Variants in SLC35F6 observed in about 807,000 individuals in gnomAD.
The protein encoded by SLC35F6 is ANT2-binding protein.
In SLC35F6, 26 loss-of-function variants were observed where a neutral mutation model predicts 29.4. The ratio of observed to expected loss-of-function variants is 0.89; its 90% CI spans 0.65 to 1.23. The LOEUF (loss-of-function observed/expected upper bound fraction) is 1.23, where lower values mean the gene tolerates loss of function less well. Ranked by LOEUF, SLC35F6 falls within the 50% of genes most tolerant of loss-of-function variation. The pLI is 0.00. For missense variants in SLC35F6, 428 were observed against 487.8 expected (o/e 0.88, Z 1.15); for synonymous variants, 174 against 206.6 (o/e 0.84, Z 1.35).
chr2:26,773,628 T>C (rs1558293096), intron 1 of SLC35F6, among the ~76,000 whole-genome samples: 2 of 151,338 alleles, frequency 1.3e-5, no homozygotes, highest in African/African-American at 4.9e-5. Flanking sequence ...TTTTTTTTTT[T>C]CTGAGACAGG....
At chr2:26,767,669 C>T (rs1664120764) in intron 1 of SLC35F6, among the ~76,000 whole-genome samples, 2 of 152,148 alleles carry the variant, frequency 1.3e-5, no homozygotes, top group Non-Finnish European at 2.9e-5. Context: ...CACAGGTACT[C>T]ATTTCAGAAC....
chr2:26,765,020 A>G, intron 1 of SLC35F6: 1 of 985,170 alleles, frequency 1.0e-6, no homozygotes, highest in Non-Finnish European at 1.2e-6. Flanking sequence ...TCTCATAATC[A>G]GAAAAGTGCT....
chr2:26,777,422 G>A (rs142000123), intron 5 of SLC35F6, among the ~76,000 whole-genome samples: 169 of 152,336 alleles, frequency 1.1e-3, no homozygotes, highest in African/African-American at 3.8e-3. Context: ...GGGGGCTAGT[G>A]CCTGTTGGGG....
rs1664393736 is a variant in SLC35F6 at position 26,780,677 on chromosome 2, C to T, written c.*2166C>T. ...TCTCTGTGGGGTCTTTGGGATGGAT[C>T]TCCTAGGGCTGGGCTGGAAGCCTCA... is the stretch of plus-strand genomic sequence containing the variant. On this transcript the variant is annotated 3_prime_UTR_variant, in exon 6 of 6. Transcript: ENST00000344420. 2 of 152,108 alleles carry T rather than the reference C, an allele frequency of 1.3e-5. No homozygotes were observed. The highest frequency in any genetic ancestry group is 4.8e-5 in the African/African-American group (2 of 41,386). The allele number at this position is 152,108 out of a possible 1,614,324, so 9.4% of individuals were successfully genotyped here. A position where few individuals can be genotyped will look rare whatever the true frequency, so the allele number is the denominator to read the frequency against.
Position 26,764,407 on chromosome 2 carries a change from A to G in SLC35F6, c.58A>G (p.Ile20Val), listed in dbSNP as rs752981118. 13 of 1,550,806 alleles carry G rather than the reference A, an allele frequency of 8.4e-6. No individual in the cohort carries two copies. The highest frequency in any genetic ancestry group is 1.4e-5 in the African/African-American group (1 of 73,034). Reference sequence around the variant, plus strand: ...CGGGCTCATGCTTGTTACCGGCTCCATCAACACGCTCTCGGCAAAGTGAGT... The same window carrying G: ...CGGGCTCATGCTTGTTACCGGCTCCGTCAACACGCTCTCGGCAAAGTGAGT... ...LAGLMLVTGS[I>V]NTLSAKWADN... Residue 20 changes from isoleucine (I) to valine (V), a missense_variant, in exon 1 of 6, where the codon ATC becomes GTC. Transcript: ENST00000344420.
In SLC35F6 at chr2:26,778,115, A is replaced by G. The variant is rs1190052443; in HGVS notation, c.720A>G (p.Gly240=). ...ACATCCCCGCCGGCTCCTTCAGCGGAAACCCTCGTGGGACACTGGAGGATG... is the reference window on the plus strand; with the variant it reads ...ACATCCCCGCCGGCTCCTTCAGCGGGAACCCTCGTGGGACACTGGAGGATG... ...MYYIPAGSFS[G]NPRGTLEDAL... Residue 240 remains glycine (G), a synonymous_variant, in exon 6 of 6, where the codon GGA becomes GGG. Transcript: ENST00000344420. 6 of 1,614,164 alleles carry G rather than the reference A, an allele frequency of 3.7e-6. No homozygotes were observed. The South Asian group carries it at 5.5e-5, about 15-fold the overall frequency.
At chr2:26,764,886 A>G in intron 1 of SLC35F6, 20 of 985,348 alleles carry the variant, frequency 2.0e-5, no homozygotes, top group Non-Finnish European at 2.4e-5. Flanking sequence ...GAGGGGTTAG[A>G]GCTGTGCTTT....
In SLC35F6 at chr2:26,769,626, T is replaced by G. The variant is rs569798330; in HGVS notation, c.78-4625T>G. On this transcript the variant is annotated intron_variant, in intron 1 of 5. Transcript: ENST00000344420. ...TAAGGAGTTCAGCTGATGGCTGAGT[T>G]TCTTCTGTTTCAGCATTTTGGCTCT... Among the ~76,000 whole-genome samples, 26 of 152,342 alleles carry G rather than the reference T, an allele frequency of 1.7e-4. 1 individual carries two copies. The highest frequency in any genetic ancestry group is 6.0e-4 in the African/African-American group (25 of 41,574).
intron 4 of SLC35F6, 97 bp from the exon 5 acceptor site, chr2:26,776,275 G>A: frequency 9.5e-7 from 1 of 1,057,804 alleles, no homozygotes; most frequent in Non-Finnish European, 1.4e-6. Flanking sequence ...GCCCTGCAGA[G>A]GTCAGGGGCT....
chr2:26,777,403 GA>G (rs1311615712), intron 5 of SLC35F6, among the ~76,000 whole-genome samples: 1 of 152,224 alleles, frequency 6.6e-6, no homozygotes, highest in Non-Finnish European at 1.5e-5. Context: ...CGCTTTCAAA[GA>G]ATGTCCTGGG....
intron 4 of SLC35F6, 112 bp from the exon 5 acceptor site, chr2:26,776,260 A>T (rs1260699864): frequency 3.5e-6 from 3 of 849,254 alleles, no homozygotes; most frequent in Non-Finnish European, 3.8e-6. Flanking sequence ...TATGAACTAT[A>T]GGGGGCCCTG....
chr2:26,774,753 C>G (rs939725070), intron 2 of SLC35F6, among the ~76,000 whole-genome samples: 1 of 152,150 alleles, frequency 6.6e-6, no homozygotes, highest in African/African-American at 2.4e-5. Context: ...GTCTTTGAGC[C>G]TCTCTTGGGT....
intron 1 of SLC35F6, among the ~76,000 whole-genome samples, chr2:26,770,287 T>C (rs1450704845): frequency 1.4e-4 from 22 of 152,042 alleles, no homozygotes; most frequent in Admixed American, 1.4e-3. Flanking sequence ...ATGCCTGTAG[T>C]CCCAGCTACT....
At position 26,778,190 on chromosome 2, in the gene SLC35F6, A is replaced by G. The variant is rs1262795063; in HGVS notation, c.795A>G (p.Ala265=). The change falls in exon 6 of 6, where the codon GCA becomes GCG. Residue 265 remains alanine, a synonymous_variant. Transcript: ENST00000344420. ...GCCAGCAGCCGCTCATTGCCGTGGC[A>G]CTGCTGGGCAACATCAGCAGCATTG... The part of the protein sequence containing the change: ...QVGQQPLIAV[A]LLGNISSIAF... The G allele has an allele frequency of 1.2e-6, 2 of 1,614,022 alleles. No individual in the cohort carries two copies. Among genetic ancestry groups the G allele is most frequent in the Admixed American group, 1.7e-5 (1 of 59,984 alleles).
In SLC35F6 at chr2:26,778,065, T is replaced by A; in HGVS notation, c.670T>A (p.Ser224Thr). ...TEGLFGFVIL[S>T]LLLVPMYYIP... Reference sequence around the variant, plus strand: ...AGGCCTCTTTGGCTTTGTGATCCTCTCCCTGCTGCTGGTGCCCATGTACTA... The same window carrying A: ...AGGCCTCTTTGGCTTTGTGATCCTCACCCTGCTGCTGGTGCCCATGTACTA... Residue 224 changes from serine to threonine, a missense_variant, in exon 6 of 6, where the codon TCC becomes ACC. By Grantham distance (58) the Ser-to-Thr change is moderately conservative (BLOSUM62 1). Coordinates refer to ENST00000344420, the MANE Select transcript of SLC35F6 (RefSeq NM_017877.4). The A allele has an allele frequency of 6.2e-7, 1 of 1,612,352 alleles. No individual in the cohort carries two copies. The highest frequency in any genetic ancestry group is 8.5e-7 in the Non-Finnish European group (1 of 1,178,528).
intron 1 of SLC35F6, 76 bp downstream of exon 1, chr2:26,764,502 C>A (rs1266282218): frequency 1.3e-6 from 2 of 1,513,910 alleles, no homozygotes; most frequent in African/African-American, 2.8e-5. Flanking sequence ...CTTCTTGGCC[C>A]TGCCCTCCTG....
intron 5 of SLC35F6, 39 bp from the exon 6 acceptor site, chr2:26,778,003 G>A (rs778429096): frequency 1.3e-6 from 2 of 1,571,396 alleles, no homozygotes; most frequent in Admixed American, 3.4e-5. Context: ...GGGGGTCTGG[G>A]GGAAGGTGGA....
intron 1 of SLC35F6, chr2:26,765,109 A>G (rs1664074133): frequency 2.1e-5 from 14 of 661,182 alleles, no homozygotes; most frequent in Non-Finnish European, 2.6e-5. Context: ...AGGAAAAACC[A>G]CTCCAAGGCT....
chr2:26,764,828 G>A, intron 1 of SLC35F6: 1 of 985,388 alleles, frequency 1.0e-6, no homozygotes, highest in Non-Finnish European at 1.2e-6. Context: ...AGTGAGCGTG[G>A]AGGCCTCAAG....
Sources: gnomAD v4.1 joint callset for allele counts (sites outside exome capture counted in the v4.1 genomes callset) on GRCh38, gnomAD v4.1.1 for gene constraint, MANE v1.5 for transcripts, NCBI Gene and HGNC (gene_info 2026-07-23, HGNC 2026-07-21) for gene names.